The following TMEM156 variants were observed in gnomAD, a reference collection of about 807,000 sequenced individuals.
TMEM156 encodes transmembrane protein 156.
TMEM156 carries 28 observed loss-of-function variants against 30.5 expected under a neutral mutation model. The ratio of observed to expected loss-of-function variants is 0.92; its 90% CI spans 0.68 to 1.26. TMEM156 has a LOEUF of 1.26. TMEM156 is among the 50% of genes most tolerant of loss of function. The probability of loss-of-function intolerance (pLI) is 0.00; values close to 1 mark genes in which losing one functional copy is unlikely to be tolerated. For missense variants in TMEM156, 351 were observed against 340.6 expected, an observed-to-expected ratio of 1.03 and a Z score of -0.24; for synonymous variants, 137 against 119.9, an observed-to-expected ratio of 1.14 and a Z score of -0.93.
intron 5 of TMEM156, among the ~76,000 whole-genome samples, chr4:38,984,389 C>T (rs1218769835): frequency 7.1e-6 from 1 of 140,394 alleles, no homozygotes; most frequent in East Asian, 2.0e-4. Flanking sequence ...GTGTGTTGAA[C>T]AATACTCACT....
At chr4:38,973,602 G>C (rs1411309526) in intron 5 of TMEM156, among the ~76,000 whole-genome samples, 2 of 151,986 alleles carry the variant, frequency 1.3e-5, no homozygotes, top group Non-Finnish European at 2.9e-5. Context: ...AATTGTCTTA[G>C]GTTTTCCAGG....
chr4:38,993,763 A>G lies in TMEM156; in HGVS notation c.594T>C (p.Ser198=). 6.2e-7 allele frequency: 1 copy of G among 1,613,262 alleles called. No homozygotes were observed. Among genetic ancestry groups the G allele is most frequent in the South Asian group, 1.1e-5 (1 of 91,056 alleles). The change falls in exon 3 of 7, where the codon TCT becomes TCC. Residue 198 remains serine, a synonymous_variant. Transcript: ENST00000381938. ...TTTTTATATCCATCTCTAGGTGCAA[A>G]GAAATGTGTATACAATCATTCGGGT... ...MEYPNDCIHI[S]LHLEMDIKNI...
intron 1 of TMEM156, among the ~76,000 whole-genome samples, chr4:39,015,571 TTAGCCCGGGGA>T (rs1714421777): frequency 2.0e-5 from 3 of 152,232 alleles, no homozygotes; most frequent in Non-Finnish European, 4.4e-5. Flanking sequence ...TACCTTGATT[TTAGCCCGGGGA>T]TACCTCTGTT....
intron 6 of TMEM156, 141 bp downstream of exon 6, chr4:38,970,891 T>A: frequency 1.8e-6 from 1 of 553,316 alleles, no homozygotes; most frequent in South Asian, 2.2e-5. Context: ...TTTCATGTCA[T>A]CTAATTCATA....
chr4:38,996,884 G>A (rs1712972209), intron 2 of TMEM156, among the ~76,000 whole-genome samples: 3 of 152,054 alleles, frequency 2.0e-5, no homozygotes, highest in African/African-American at 7.2e-5. Flanking sequence ...TAAAGAAAAA[G>A]TAAACTAGAT....
At chr4:39,008,015 CTT>C (rs1252653745) in intron 1 of TMEM156, among the ~76,000 whole-genome samples, 7 of 152,004 alleles carry the variant, frequency 4.6e-5, no homozygotes, top group Non-Finnish European at 8.8e-5. Context: ...TTTTTATTAA[CTT>C]TAATTTTTAT....
At position 38,967,464 on chromosome 4, in the gene TMEM156, C is replaced by T. The variant is rs1400979162; in HGVS notation, c.*216G>A. 1 of 152,030 alleles carries T rather than the reference C, an allele frequency of 6.6e-6. No individual in the cohort carries two copies. Among genetic ancestry groups the T allele is most frequent in the African/African-American group, 2.4e-5 (1 of 41,396 alleles). The allele number at this position is 152,030 out of a possible 1,614,324, so 9.4% of individuals were successfully genotyped here. A position where few individuals can be genotyped will look rare whatever the true frequency, so the allele number is the denominator to read the frequency against. Reference sequence around the variant, plus strand: ...GGCTTCTTGCAAACACTCTTGTTCCCTTGATCTCATGGAGCGAATGAATGC... The same window carrying T: ...GGCTTCTTGCAAACACTCTTGTTCCTTTGATCTCATGGAGCGAATGAATGC... On this transcript the variant is annotated 3_prime_UTR_variant, in exon 7 of 7. Coordinates refer to ENST00000381938, the MANE Select transcript of TMEM156 (RefSeq NM_024943.3).
intron 1 of TMEM156, among the ~76,000 whole-genome samples, chr4:39,006,218 T>G (rs1713728145): frequency 1.3e-5 from 2 of 152,208 alleles, no homozygotes; most frequent in African/African-American, 4.8e-5. Flanking sequence ...ACACACATTC[T>G]GACCAGTGCT....
At chr4:38,992,895 G>A (rs1712641511) in intron 3 of TMEM156, among the ~76,000 whole-genome samples, 1 of 150,152 alleles carries the variant, frequency 6.7e-6, no homozygotes, top group Admixed American at 6.7e-5. Context: ...ACAAGTACCT[G>A]GGACTACAGG....
chr4:38,991,187 T>C (rs1712430874), intron 3 of TMEM156, among the ~76,000 whole-genome samples: 1 of 149,864 alleles, frequency 6.7e-6, no homozygotes, highest in Non-Finnish European at 1.5e-5. Flanking sequence ...GAGTAAACTA[T>C]GAATAAAGTT....
chr4:38,971,775 TG>T (rs1398746011), intron 5 of TMEM156, among the ~76,000 whole-genome samples: 1 of 152,142 alleles, frequency 6.6e-6, no homozygotes, highest in Non-Finnish European at 1.5e-5. Context: ...TGAACACAGG[TG>T]AAATTGAGGT....
chr4:38,979,021 G>A lies in TMEM156; in HGVS notation c.823+7315C>T, dbSNP rs549860983. On this transcript the variant is annotated intron_variant, in intron 5 of 6. Transcript: ENST00000381938. ...TTGACTTCCCACACGGATCTGTCTT[G>A]GGAGAGAAAATGCACATTTGCTGTC... Among the ~76,000 whole-genome samples the A allele has an allele frequency of 8.5e-5, 13 of 152,306 alleles. No homozygotes were observed. The East Asian group carries it at 1.7e-3, about 20-fold the overall frequency.
chr4:38,982,189 C>T (rs11727326), intron 5 of TMEM156, among the ~76,000 whole-genome samples: 18,742 of 152,138 alleles, frequency 0.12, 1,321 homozygotes, highest in East Asian at 0.2. Flanking sequence ...TTTCTCCATG[C>T]TGGATGCTTC....
intron 1 of TMEM156, among the ~76,000 whole-genome samples, chr4:39,031,628 G>A (rs1025092297): frequency 6.6e-6 from 1 of 152,134 alleles, no homozygotes; most frequent in African/African-American, 2.4e-5. Flanking sequence ...GCACAAGCCT[G>A]TAATCTCAGC....
chr4:39,013,094 T>C (rs1368674208), intron 1 of TMEM156, among the ~76,000 whole-genome samples: 3 of 151,428 alleles, frequency 2.0e-5, no homozygotes, highest in Non-Finnish European at 4.4e-5. Flanking sequence ...AACTCAGGAG[T>C]TCGCGGCCAG....
At chr4:38,971,897 C>T (rs527783746) in intron 5 of TMEM156, among the ~76,000 whole-genome samples, 1 of 152,148 alleles carries the variant, frequency 6.6e-6, no homozygotes, top group South Asian at 2.1e-4. Flanking sequence ...TCAAGTGATT[C>T]TCCTGCCTCA....
intron 1 of TMEM156, among the ~76,000 whole-genome samples, chr4:39,015,438 A>G (rs1577574511): frequency 1.3e-5 from 2 of 152,324 alleles, no homozygotes; most frequent in African/African-American, 4.8e-5. Flanking sequence ...TCAGCAGGCC[A>G]TTGCTGGCTT....
intron 5 of TMEM156, among the ~76,000 whole-genome samples, chr4:38,972,148 A>G (rs1476423705): frequency 1.3e-5 from 2 of 151,976 alleles, no homozygotes; most frequent in African/African-American, 4.8e-5. Context: ...GAGAAATCAG[A>G]AAGGGAGATT....
At chr4:38,974,962 C>A (rs1030148638) in intron 5 of TMEM156, among the ~76,000 whole-genome samples, 1 of 151,908 alleles carries the variant, frequency 6.6e-6, no homozygotes, top group African/African-American at 2.4e-5. Flanking sequence ...CATGAGCCAC[C>A]GCGCCTGATC....
Sources: allele counts gnomAD v4.1 joint callset (sites outside exome capture counted in the v4.1 genomes callset), GRCh38; gene constraint gnomAD v4.1.1; transcripts MANE v1.5; gene names NCBI Gene and HGNC (gene_info 2026-07-23, HGNC 2026-07-21).